Variants in BAZ2B observed in about 807,000 individuals in gnomAD.
BAZ2B encodes the protein bromodomain adjacent to zinc finger domain 2B, also known as bromodomain adjacent to zinc finger domain protein 2B.
In BAZ2B, 91 loss-of-function variants were observed where a neutral mutation model predicts 246.0. That is an observed-to-expected ratio of 0.37 (90% confidence interval 0.31 to 0.44). The LOEUF is 0.44. Ranked by LOEUF, BAZ2B falls within the 20% of genes least tolerant of loss-of-function variation. BAZ2B has a pLI of 1.00. For synonymous variants in BAZ2B, 855 were observed against 860.0 expected (o/e 0.99, Z 0.10); for missense variants, 2,332 against 2,533.7 (o/e 0.92, Z 1.71).
chr2:159,579,400 C>A (rs1042508696), intron 1 of BAZ2B, among the ~76,000 whole-genome samples: 1 of 152,150 alleles, frequency 6.6e-6, no homozygotes, highest in Non-Finnish European at 1.5e-5. Flanking sequence ...CTGAATAGAT[C>A]AATAACAAGC....
the BAZ2B span, among the ~76,000 whole-genome samples, chr2:159,639,284 T>G: frequency 6.6e-6 from 1 of 152,162 alleles, no homozygotes; most frequent in African/African-American, 2.4e-5. Context: ...ACAAGAAATC[T>G]TAAAGGGATT....
chr2:159,453,581 T>TC (rs887802144), intron 4 of BAZ2B, 32 bp downstream of exon 4: 1 of 1,536,738 alleles, frequency 6.5e-7, no homozygotes, highest in African/African-American at 1.4e-5. Context: ...CTTTCCTCCT[T>TC]CCCTTGAACA....
chr2:159,703,284 G>C, the BAZ2B span, among the ~76,000 whole-genome samples: 98 of 151,120 alleles, frequency 6.5e-4, no homozygotes, highest in African/African-American at 2.2e-3. Flanking sequence ...AGTAGAGATA[G>C]GATTTTACCA....
chr2:159,563,802 G>T (rs1472872148), intron 1 of BAZ2B, among the ~76,000 whole-genome samples: 1 of 152,094 alleles, frequency 6.6e-6, no homozygotes, highest in African/African-American at 2.4e-5. Flanking sequence ...GGCTAAAATG[G>T]TAAATTTAAT....
At chr2:159,681,476 A>T in the BAZ2B span, among the ~76,000 whole-genome samples, 1 of 152,052 alleles carries the variant, frequency 6.6e-6, no homozygotes, top group Non-Finnish European at 1.5e-5. Context: ...AAACAAATCA[A>T]CATCTTAGAC....
intron 19 of BAZ2B, chr2:159,397,033 A>G (rs2064128069): frequency 6.0e-6 from 8 of 1,331,764 alleles, no homozygotes; most frequent in Admixed American, 2.3e-5. Context: ...CAACCAAATC[A>G]CAATGCGGTG....
the BAZ2B span, among the ~76,000 whole-genome samples, chr2:159,701,302 G>C: frequency 2.3e-3 from 347 of 152,120 alleles, 1 homozygote; most frequent in Admixed American, 5.3e-3. Context: ...TTTAGTTATA[G>C]ACACAAACAG....
In BAZ2B at chr2:159,382,597, CTTCT is replaced by C; in HGVS notation, c.3963_3966del (p.Glu1322ThrfsTer32). The C allele has an allele frequency of 2.6e-6, 4 of 1,551,128 alleles. No homozygotes were observed. Among genetic ancestry groups the C allele is most frequent in the Non-Finnish European group, 3.5e-6 (4 of 1,146,718 alleles). On this transcript the variant is annotated frameshift_variant, in exon 25 of 37. Transcript: ENST00000392783. LOFTEE classifies it high-confidence loss of function. ...ATATCAGTCTTTTTTCCTTTTTTGTCTTCTTTATCTTCTTCATCCTCATCATCTT... is the reference window on the plus strand; with the variant it reads ...ATATCAGTCTTTTTTCCTTTTTTGTCTTATCTTCTTCATCCTCATCATCTT...
intron 1 of BAZ2B, among the ~76,000 whole-genome samples, chr2:159,570,324 A>G (rs539079649): frequency 3.9e-5 from 6 of 152,162 alleles, no homozygotes; most frequent in African/African-American, 1.4e-4. Context: ...AGTTGGGACT[A>G]CAGGCGCACG....
At chr2:159,455,082 T>C (rs916657525) in intron 3 of BAZ2B, among the ~76,000 whole-genome samples, 1 of 152,172 alleles carries the variant, frequency 6.6e-6, no homozygotes, top group Admixed American at 6.5e-5. Context: ...TTGTGCTCTG[T>C]GTTAATATTA....
chr2:159,611,891 A>G (rs1366781201), intron 1 of BAZ2B, among the ~76,000 whole-genome samples: 1 of 151,696 alleles, frequency 6.6e-6, no homozygotes, highest in Non-Finnish European at 1.5e-5. Context: ...TCTCCCTCCC[A>G]TTTCCTCTAC....
chr2:159,566,411 T>C (rs1477212899), intron 1 of BAZ2B, among the ~76,000 whole-genome samples: 1 of 152,204 alleles, frequency 6.6e-6, no homozygotes, highest in East Asian at 1.9e-4. Context: ...ATTTGATTAA[T>C]CACAGTTAGA....
At chr2:159,506,467 C>T (rs946168706) in intron 2 of BAZ2B, among the ~76,000 whole-genome samples, 15 of 152,106 alleles carry the variant, frequency 9.9e-5, no homozygotes, top group African/African-American at 3.6e-4. Flanking sequence ...CATACAGATA[C>T]TTATTAGGAA....
intron 8 of BAZ2B, chr2:159,433,588 A>G (rs2071558914): frequency 2.5e-6 from 1 of 404,130 alleles, no homozygotes; most frequent in East Asian, 4.2e-5. Flanking sequence ...TAAAAATTAT[A>G]TGCCTTTTGA....
At chr2:159,390,203 T>C (rs533318287) in intron 20 of BAZ2B, among the ~76,000 whole-genome samples, 108 of 152,280 alleles carry the variant, frequency 7.1e-4, no homozygotes, top group African/African-American at 2.5e-3. Context: ...ACATTGCTAA[T>C]TGGTTTACTT....
intron 2 of BAZ2B, among the ~76,000 whole-genome samples, chr2:159,538,804 T>G (rs1226803521): frequency 2.0e-5 from 3 of 152,172 alleles, no homozygotes; most frequent in Non-Finnish European, 4.4e-5. Context: ...TCTTCTCACC[T>G]TATGTAAACT....
In BAZ2B at chr2:159,590,332, G is replaced by A. The variant is rs763450368; in HGVS notation, c.-46+25910C>T. Among the ~76,000 whole-genome samples the A allele has an allele frequency of 1.8e-4, 26 of 148,220 alleles. 1 individual carries two copies. Among genetic ancestry groups the A allele is most frequent in the Non-Finnish European group, 3.0e-4 (20 of 67,506 alleles). ...AGGCCAGGTACAGTGGCTCACGCCTGTAATCCTAGCACTTTGGGAGGCCAA... is the reference window on the plus strand; with the variant it reads ...AGGCCAGGTACAGTGGCTCACGCCTATAATCCTAGCACTTTGGGAGGCCAA... On this transcript the variant is annotated intron_variant, in intron 1 of 36. Transcript: ENST00000392783.
chr2:159,437,546 T>C (rs1053731726), intron 8 of BAZ2B: 3 of 152,210 alleles, frequency 2.0e-5, no homozygotes, highest in Non-Finnish European at 4.4e-5. Context: ...AGTGATTCTT[T>C]ATGAAGGGTT....
chr2:159,372,161 A>G (rs572499845), intron 27 of BAZ2B, among the ~76,000 whole-genome samples: 3 of 152,180 alleles, frequency 2.0e-5, no homozygotes, highest in Non-Finnish European at 4.4e-5. Context: ...CATGACATGG[A>G]TTCTATTTTA....
Sources: gnomAD v4.1 joint callset for allele counts (sites outside exome capture counted in the v4.1 genomes callset) on GRCh38, gnomAD v4.1.1 for gene constraint, MANE v1.5 for transcripts, NCBI Gene and HGNC (gene_info 2026-07-23, HGNC 2026-07-21) for gene names.